L3MBTL4: variants seen among roughly 807,000 people sequenced by gnomAD.
L3MBTL4 encodes lethal(3)malignant brain tumor-like protein 4.
In L3MBTL4, 70 loss-of-function variants were observed where a neutral mutation model predicts 84.5. The ratio of observed to expected loss-of-function variants is 0.83; its 90% CI spans 0.68 to 1.01. The LOEUF (loss-of-function observed/expected upper bound fraction) is 1.01, where lower values mean the gene tolerates loss of function less well. L3MBTL4 is among the 50% of genes least tolerant of loss of function. L3MBTL4 has a pLI of 0.00. For synonymous variants in L3MBTL4, 274 were observed against 259.8 expected (o/e 1.05, Z -0.52); for missense variants, 715 against 754.8 (o/e 0.95, Z 0.62).
intron 4 of L3MBTL4, among the ~76,000 whole-genome samples, chr18:6,291,963 T>C (rs1599509161): frequency 6.6e-6 from 1 of 151,250 alleles, no homozygotes; most frequent in East Asian, 1.9e-4. Flanking sequence ...GACAAATATG[T>C]AAGGAGCTCA....
rs924581291 is a variant in L3MBTL4 at position 6,414,868 on chromosome 18, G to A, written c.-158C>T. Reference sequence around the variant, plus strand: ...AGGCGGGGGGCGAGTCGGAGCGCGAGGTTCCGCCAGCCCAGGCTGCGGCGC... The same window carrying A: ...AGGCGGGGGGCGAGTCGGAGCGCGAAGTTCCGCCAGCCCAGGCTGCGGCGC... On this transcript the variant is annotated 5_prime_UTR_variant, in exon 1 of 19. Coordinates refer to ENST00000317931, the MANE Select transcript of L3MBTL4 (RefSeq NM_001330559.2). The surrounding 1 kb of genome is among the most constrained non-coding windows in gnomAD (Gnocchi z 5.4). 1 of 150,034 alleles carries A rather than the reference G, an allele frequency of 6.7e-6. No homozygotes were observed. Among genetic ancestry groups the A allele is most frequent in the Non-Finnish European group, 1.5e-5 (1 of 67,344 alleles). The allele number at this position is 150,034 out of a possible 1,614,324, so 9.3% of individuals were successfully genotyped here. A position where few individuals can be genotyped will look rare whatever the true frequency, so the allele number is the denominator to read the frequency against.
intron 4 of L3MBTL4, among the ~76,000 whole-genome samples, chr18:6,298,431 C>G (rs1375181251): frequency 6.6e-6 from 1 of 152,054 alleles, no homozygotes; most frequent in Non-Finnish European, 1.5e-5. Flanking sequence ...CTTTCATTAG[C>G]TATAGTTGCG....
chr18:6,368,131 C>T (rs2054009395), intron 1 of L3MBTL4, among the ~76,000 whole-genome samples: 1 of 152,046 alleles, frequency 6.6e-6, no homozygotes, highest in Non-Finnish European at 1.5e-5. Context: ...CTCCCCTCAG[C>T]ACAGGCAATG....
intron 1 of L3MBTL4, among the ~76,000 whole-genome samples, chr18:6,314,715 AAAGC>A (rs1304419438): frequency 2.0e-5 from 3 of 152,238 alleles, no homozygotes; most frequent in Non-Finnish European, 4.4e-5. Context: ...TGATACTTAG[AAAGC>A]ATCTGAATAC....
In L3MBTL4 at chr18:6,347,806, C is replaced by A. The variant is rs145656292; in HGVS notation, c.-90-35750G>T. ...TTCTATTAATATTACACTAGATGTC[C>A]TAACTAGTGTAATGATGCAAGAAAA... On this transcript the variant is annotated intron_variant, in intron 1 of 18. Transcript: ENST00000317931. 1.5e-3 allele frequency among the ~76,000 whole-genome samples: 225 copies of A among 151,800 alleles called. 1 individual carries two copies. The highest frequency in any genetic ancestry group is 0.01 in the Middle Eastern group (3 of 294).
chr18:5,993,649 A>C (rs987384858), intron 16 of L3MBTL4, among the ~76,000 whole-genome samples: 1 of 152,208 alleles, frequency 6.6e-6, no homozygotes, highest in Non-Finnish European at 1.5e-5. Flanking sequence ...TTCCACTAAG[A>C]GATCCTTCAA....
chr18:6,271,145 T>C (rs1269822092), intron 4 of L3MBTL4, among the ~76,000 whole-genome samples: 1 of 152,164 alleles, frequency 6.6e-6, no homozygotes, highest in Non-Finnish European at 1.5e-5. Context: ...TTTGTTTTTG[T>C]TTTTGTTTGG....
intron 14 of L3MBTL4, among the ~76,000 whole-genome samples, chr18:6,100,448 G>A (rs2058784871): frequency 6.6e-6 from 1 of 152,124 alleles, no homozygotes; most frequent in African/African-American, 2.4e-5. Flanking sequence ...TATAAGAGCT[G>A]CTTTAATTCT....
chr18:6,205,477 GTA>G (rs1944909048), intron 12 of L3MBTL4, among the ~76,000 whole-genome samples: 1 of 152,152 alleles, frequency 6.6e-6, no homozygotes, highest in Non-Finnish European at 1.5e-5. Flanking sequence ...TGTTGCATAG[GTA>G]TACATGTGCC....
intron 2 of L3MBTL4, 108 bp downstream of exon 2, chr18:6,311,890 G>T (rs751649695): frequency 3.0e-6 from 1 of 336,824 alleles, no homozygotes; most frequent in Non-Finnish European, 5.6e-6. Flanking sequence ...GGGGAAAATA[G>T]ATATTATTGC....
rs60613997 is a variant in L3MBTL4 at position 6,209,445 on chromosome 18, C to CAA, written c.981+3702_981+3703dup. On this transcript the variant is annotated intron_variant, in intron 12 of 18. Transcript: ENST00000317931. ...AAGCCCATAAGGCCCACTAAACTGG[C>CAA]AAAAAAAAAAAAAAAGCCAAAACAA... is the stretch of plus-strand genomic sequence containing the variant. Among the ~76,000 whole-genome samples, 25 of 113,996 alleles carry CAA rather than the reference C, an allele frequency of 2.2e-4. 1 individual carries two copies. Among genetic ancestry groups the CAA allele is most frequent in the East Asian group, 1.3e-3 (6 of 4,558 alleles). 74.8% of individuals were successfully genotyped at this position (113,996 alleles called of 152,430 possible).
At chr18:6,161,972 C>CTGTG (rs200214261) in intron 13 of L3MBTL4, among the ~76,000 whole-genome samples, 1 of 148,748 alleles carries the variant, frequency 6.7e-6, no homozygotes, top group African/African-American at 2.5e-5. Context: ...GAGAATATAC[C>CTGTG]TGTGTGTGTG....
chr18:6,389,748 C>T (rs904824100), intron 1 of L3MBTL4, among the ~76,000 whole-genome samples: 1 of 152,016 alleles, frequency 6.6e-6, no homozygotes, highest in Non-Finnish European at 1.5e-5. Flanking sequence ...CAACAGGAAA[C>T]TATCACCCTA....
intron 13 of L3MBTL4, among the ~76,000 whole-genome samples, chr18:6,162,398 C>A (rs1568228968): frequency 1.3e-5 from 2 of 150,422 alleles, no homozygotes; most frequent in East Asian, 3.9e-4. Flanking sequence ...CAAAAGAGTT[C>A]AAAAAAAAAT....
At chr18:6,139,798 C>T (rs941230046) in intron 13 of L3MBTL4, among the ~76,000 whole-genome samples, 2 of 152,128 alleles carry the variant, frequency 1.3e-5, no homozygotes, top group African/African-American at 4.8e-5. Flanking sequence ...AGTCAGGGAC[C>T]GTCTTCCTCT....
intron 16 of L3MBTL4, among the ~76,000 whole-genome samples, chr18:6,077,533 G>C (rs2057898539): frequency 1.3e-5 from 2 of 152,012 alleles, no homozygotes; most frequent in African/African-American, 2.4e-5. Flanking sequence ...TATATGCCAA[G>C]CATACATATG....
intron 15 of L3MBTL4, among the ~76,000 whole-genome samples, chr18:6,090,982 C>A (rs1568103201): frequency 6.6e-6 from 1 of 152,008 alleles, no homozygotes; most frequent in Admixed American, 6.6e-5. Flanking sequence ...CCAATTTAAC[C>A]CCCATCACTA....
chr18:6,188,040 T>C (rs2044865842), intron 12 of L3MBTL4, among the ~76,000 whole-genome samples: 1 of 152,032 alleles, frequency 6.6e-6, no homozygotes, highest in Non-Finnish European at 1.5e-5. Context: ...GAATGCTATG[T>C]CCAGTATTTC....
intron 13 of L3MBTL4, among the ~76,000 whole-genome samples, chr18:6,158,872 T>A (rs542835879): frequency 1.3e-5 from 2 of 152,190 alleles, no homozygotes; most frequent in Admixed American, 1.3e-4. Context: ...TGAGCAGAAA[T>A]CTGGTGTCAA....
Sources: allele counts gnomAD v4.1 joint callset (sites outside exome capture counted in the v4.1 genomes callset), GRCh38; gene constraint gnomAD v4.1.1; non-coding constraint Gnocchi (gnomAD v3.1); transcripts MANE v1.5; gene names NCBI Gene and HGNC (gene_info 2026-07-23, HGNC 2026-07-21).